The following SLC35F4 variants were observed in gnomAD, a reference collection of about 807,000 sequenced individuals.
SLC35F4 encodes the protein chromosome 14 open reading frame 36.
SLC35F4 carries 24 observed loss-of-function variants against 44.2 expected under a neutral mutation model. The ratio of observed to expected loss-of-function variants is 0.54; its 90% CI spans 0.39 to 0.76. The LOEUF (loss-of-function observed/expected upper bound fraction) is 0.76, where lower values mean the gene tolerates loss of function less well. Among genes scored for constraint, SLC35F4 ranks in the 30% least tolerant of loss-of-function variants. The probability of loss-of-function intolerance (pLI) is 0.00; values close to 1 mark genes in which losing one functional copy is unlikely to be tolerated. For synonymous variants in SLC35F4, 238 were observed against 223.6 expected (o/e 1.06, Z -0.57); for missense variants, 562 against 586.1 (o/e 0.96, Z 0.42).
intron 1 of SLC35F4, among the ~76,000 whole-genome samples, chr14:57,765,747 G>A (rs78843113): frequency 1.3e-4 from 20 of 152,240 alleles, no homozygotes; most frequent in East Asian, 5.8e-4. Context: ...CAAAGGAAAC[G>A]TAAAAATCCA....
Position 57,773,593 on chromosome 14 carries a change from T to C in SLC35F4, c.103+92130A>G, listed in dbSNP as rs148257152. Among the ~76,000 whole-genome samples, 37 of 151,422 alleles carry C rather than the reference T, an allele frequency of 2.4e-4. No individual in the cohort carries two copies. The South Asian group carries it at 5.3e-3, about 22-fold the overall frequency. On this transcript the variant is annotated intron_variant, in intron 1 of 7. Transcript: ENST00000556826. ...ACAACTTTTCCAGTGTAGATCCTGG[T>C]CACTCAACTTTAAAAAACAACAGGC...
chr14:57,801,429 C>T (rs113597191), intron 1 of SLC35F4, among the ~76,000 whole-genome samples: 37 of 152,182 alleles, frequency 2.4e-4, no homozygotes, highest in Non-Finnish European at 5.0e-4. Context: ...AGCACACAGA[C>T]CAGTGACACT....
chr14:57,947,431 A>G (rs1374281218), intron 1 of SLC35F4, among the ~76,000 whole-genome samples: 1 of 151,996 alleles, frequency 6.6e-6, no homozygotes, highest in Non-Finnish European at 1.5e-5. Flanking sequence ...AGCTTTTTGG[A>G]TGAGTCTTTG....
At chr14:57,812,233 T>C (rs1882052677) in intron 1 of SLC35F4, among the ~76,000 whole-genome samples, 2 of 152,140 alleles carry the variant, frequency 1.3e-5, no homozygotes, top group South Asian at 4.1e-4. Context: ...AAAGCAAGTG[T>C]AAATCTGCAC....
chr14:57,648,418 A>G (rs1044709453), intron 1 of SLC35F4, among the ~76,000 whole-genome samples: 23 of 152,216 alleles, frequency 1.5e-4, no homozygotes, highest in African/African-American at 5.3e-4. Context: ...ATTTCAAATA[A>G]ACATAAAATA....
chr14:57,710,035 T>C (rs1180302630), intron 1 of SLC35F4, among the ~76,000 whole-genome samples: 1 of 152,164 alleles, frequency 6.6e-6, no homozygotes, highest in East Asian at 1.9e-4. Flanking sequence ...GGGGAAAATG[T>C]CTCCAGGGCA....
At chr14:57,842,683 C>T (rs1338320227) in intron 1 of SLC35F4, among the ~76,000 whole-genome samples, 1 of 152,180 alleles carries the variant, frequency 6.6e-6, no homozygotes, top group African/African-American at 2.4e-5. Flanking sequence ...CGGCTACTAC[C>T]AGCTCAAAGG....
intron 1 of SLC35F4, among the ~76,000 whole-genome samples, chr14:57,842,096 G>C (rs538979993): frequency 1.6e-4 from 25 of 152,164 alleles, no homozygotes; most frequent in Non-Finnish European, 2.1e-4. Flanking sequence ...TTGATGCTGA[G>C]AGTGTGGGAA....
At chr14:57,682,661 C>T (rs1054204711) in intron 1 of SLC35F4, among the ~76,000 whole-genome samples, 7 of 151,102 alleles carry the variant, frequency 4.6e-5, no homozygotes, top group Admixed American at 3.3e-4. Context: ...ATGCCATTTG[C>T]GGTTTTTGCT....
chr14:57,628,960 T>C (rs922914713), intron 1 of SLC35F4, among the ~76,000 whole-genome samples: 4 of 152,100 alleles, frequency 2.6e-5, no homozygotes, highest in African/African-American at 9.7e-5. Context: ...ACAGTGATGA[T>C]AACAGCACAA....
chr14:57,738,307 G>C (rs62003377), intron 1 of SLC35F4, among the ~76,000 whole-genome samples: 3 of 152,176 alleles, frequency 2.0e-5, no homozygotes, highest in Non-Finnish European at 4.4e-5. Context: ...GTCCTAGGAA[G>C]AGAAATCGCC....
chr14:57,969,428 A>G (rs930531275), intron 1 of SLC35F4, among the ~76,000 whole-genome samples: 1 of 152,200 alleles, frequency 6.6e-6, no homozygotes, highest in African/African-American at 2.4e-5. Flanking sequence ...TTATTGCAAA[A>G]TAAAATATAT....
chr14:57,798,493 C>A (rs1209075296), intron 1 of SLC35F4, among the ~76,000 whole-genome samples: 1 of 152,180 alleles, frequency 6.6e-6, no homozygotes, highest in African/African-American at 2.4e-5. Flanking sequence ...GTTCAAAAAT[C>A]TAAACAATTC....
At chr14:57,607,239 GAAAT>G (rs2071214417) in intron 1 of SLC35F4, among the ~76,000 whole-genome samples, 1 of 152,136 alleles carries the variant, frequency 6.6e-6, no homozygotes, top group Non-Finnish European at 1.5e-5. Flanking sequence ...TTAGCAGAAA[GAAAT>G]AAATGGGCAG....
chr14:57,672,684 A>T (rs138336045), intron 1 of SLC35F4, among the ~76,000 whole-genome samples: 7 of 152,246 alleles, frequency 4.6e-5, no homozygotes, highest in Non-Finnish European at 7.3e-5. Flanking sequence ...TATGCTTTTC[A>T]GAATTAGAAA....
At position 57,964,067 on chromosome 14, in the gene SLC35F4, G is replaced by A. The variant is rs17094012; in HGVS notation, n.282+17846C>T. ...GAATAGCTGATCAGGAGCAATTGTAGTTGAGCATTTATTGGGCAGGCAGAC... is the reference window on the plus strand; with the variant it reads ...GAATAGCTGATCAGGAGCAATTGTAATTGAGCATTTATTGGGCAGGCAGAC... On this transcript the variant is annotated intron_variant and non_coding_transcript_variant, in intron 1 of 1. Coordinates refer to the SLC35F4 transcript ENST00000556568. 0.017 allele frequency among the ~76,000 whole-genome samples: 2,565 copies of A among 152,212 alleles called. 301 individuals are homozygous for A. The East Asian group carries it at 0.33, about 19-fold the overall frequency.
intron 1 of SLC35F4, chr14:57,630,491 A>C (rs1255879355): frequency 1.0e-6 from 1 of 988,988 alleles, no homozygotes; most frequent in Non-Finnish European, 1.6e-6. Flanking sequence ...ATCACATTCT[A>C]GGTCTGCATC....
At chr14:57,959,418 C>T (rs1274950642) in intron 1 of SLC35F4, among the ~76,000 whole-genome samples, 1 of 152,168 alleles carries the variant, frequency 6.6e-6, no homozygotes, top group African/African-American at 2.4e-5. Flanking sequence ...ATTATCTCTT[C>T]TGATACTTGA....
intron 1 of SLC35F4, among the ~76,000 whole-genome samples, chr14:57,884,837 A>G (rs986720517): frequency 1.3e-5 from 2 of 152,154 alleles, no homozygotes; most frequent in African/African-American, 4.8e-5. Context: ...GTTTCATGGA[A>G]ATAATTATGA....
Sources: allele counts gnomAD v4.1 joint callset (sites outside exome capture counted in the v4.1 genomes callset), GRCh38; gene constraint gnomAD v4.1.1; transcripts MANE v1.5; gene names NCBI Gene and HGNC (gene_info 2026-07-23, HGNC 2026-07-21).